Variants in DCDC1 observed in about 807,000 individuals in gnomAD.
DCDC1 encodes doublecortin domain containing 1, also known as doublecortin domain-containing protein 1.
A neutral mutation model predicts 178.3 loss-of-function variants in DCDC1; 200 were observed. The ratio of observed to expected loss-of-function variants is 1.12; its 90% CI spans 1.00 to 1.26. The LOEUF (loss-of-function observed/expected upper bound fraction) is 1.26. DCDC1 is among the 50% of genes most tolerant of loss of function. The pLI is 0.00. For missense variants in DCDC1, 1,983 were observed against 1,749.2 expected (o/e 1.13, Z -2.38); for synonymous variants, 690 against 604.8 (o/e 1.14, Z -2.07).
At chr11:31,211,093 G>A (rs558273711) in intron 9 of DCDC1, among the ~76,000 whole-genome samples, 1 of 152,108 alleles carries the variant, frequency 6.6e-6, no homozygotes, top group Non-Finnish European at 1.5e-5. Context: ...TGAGACAAAG[G>A]GACTGCTCTC....
At chr11:31,265,630 T>A in intron 7 of DCDC1, 30 bp from the exon 8 acceptor site, 2 of 1,146,064 alleles carry the variant, frequency 1.7e-6, no homozygotes, top group Non-Finnish European at 2.3e-6. Flanking sequence ...TATAAATAAT[T>A]TAGTAAACTG....
chr11:31,347,654 GCT>G (rs1242350394), intron 1 of DCDC1, among the ~76,000 whole-genome samples: 1 of 152,164 alleles, frequency 6.6e-6, no homozygotes, highest in East Asian at 1.9e-4. Flanking sequence ...CTAGTCACAT[GCT>G]CTGTTTTCTC....
chr11:30,869,536 G>A (rs962049758), intron 38 of DCDC1, among the ~76,000 whole-genome samples: 3 of 152,168 alleles, frequency 2.0e-5, no homozygotes, highest in African/African-American at 7.2e-5. Flanking sequence ...TACTTTCATG[G>A]AGTTTGCAGA....
At chr11:30,975,706 T>C (rs2134734076) in intron 20 of DCDC1, among the ~76,000 whole-genome samples, 1 of 151,434 alleles carries the variant, frequency 6.6e-6, no homozygotes, top group East Asian at 1.9e-4. Flanking sequence ...TGAAAGAAAA[T>C]GAAGGGGACA....
intron 9 of DCDC1, among the ~76,000 whole-genome samples, chr11:31,158,578 C>T (rs1270105121): frequency 6.6e-6 from 1 of 152,174 alleles, no homozygotes. Context: ...TGCTTCTATA[C>T]ATTTGACTGA....
chr11:31,175,629 A>G (rs976268952), intron 9 of DCDC1, among the ~76,000 whole-genome samples: 1 of 152,200 alleles, frequency 6.6e-6, no homozygotes, highest in Non-Finnish European at 1.5e-5. Flanking sequence ...GGCCATCTCA[A>G]CAGGAACCAT....
chr11:31,019,724 A>C (rs1013245056), intron 20 of DCDC1, among the ~76,000 whole-genome samples: 1 of 152,132 alleles, frequency 6.6e-6, no homozygotes, highest in Non-Finnish European at 1.5e-5. Flanking sequence ...TGCCAAGTCC[A>C]CAATATCCAG....
chr11:31,105,101 C>T (rs940074232), intron 13 of DCDC1, among the ~76,000 whole-genome samples: 2 of 151,954 alleles, frequency 1.3e-5, no homozygotes, highest in Admixed American at 6.6e-5. Flanking sequence ...TCAAACTAGA[C>T]GGCAATAACT....
chr11:31,065,317 A>C (rs967465000), intron 18 of DCDC1, among the ~76,000 whole-genome samples, 164 bp from the exon 19 acceptor site: 1 of 152,220 alleles, frequency 6.6e-6, no homozygotes, highest in Non-Finnish European at 1.5e-5. Context: ...AAGCCAAATG[A>C]CTTTAATATT....
chr11:31,210,611 T>C (rs569382454), intron 9 of DCDC1, among the ~76,000 whole-genome samples: 4 of 149,744 alleles, frequency 2.7e-5, no homozygotes, highest in Non-Finnish European at 4.4e-5. Flanking sequence ...CTCAGGAGGC[T>C]GAGGCAGGAG....
chr11:31,097,500 T>C (rs1591033909), intron 15 of DCDC1, among the ~76,000 whole-genome samples: 1 of 152,230 alleles, frequency 6.6e-6, no homozygotes, highest in African/African-American at 2.4e-5. Flanking sequence ...GAAAATGTTA[T>C]ACAATCTCTT....
chr11:30,893,883 A>C (rs1943992520), intron 35 of DCDC1, among the ~76,000 whole-genome samples: 1 of 152,066 alleles, frequency 6.6e-6, no homozygotes, highest in African/African-American at 2.4e-5. Flanking sequence ...TTAGTATTTT[A>C]CTCCTTGCTC....
At chr11:31,231,424 C>T (rs1283089208) in intron 9 of DCDC1, among the ~76,000 whole-genome samples, 2 of 152,028 alleles carry the variant, frequency 1.3e-5, no homozygotes, top group Admixed American at 1.3e-4. Context: ...GGTGATATGC[C>T]AGAATAGACT....
chr11:31,151,771 A>T (rs1378477228), intron 9 of DCDC1, among the ~76,000 whole-genome samples: 1 of 152,216 alleles, frequency 6.6e-6, no homozygotes, highest in Non-Finnish European at 1.5e-5. Context: ...ATAGCAATGC[A>T]TTCAAATGTT....
intron 21 of DCDC1, among the ~76,000 whole-genome samples, chr11:30,933,460 A>G (rs1221018476): frequency 6.6e-6 from 1 of 152,130 alleles, no homozygotes; most frequent in Non-Finnish European, 1.5e-5. Flanking sequence ...TGTTAATTAC[A>G]TTAATTTTTA....
intron 9 of DCDC1, among the ~76,000 whole-genome samples, chr11:31,194,295 G>T (rs1217971814): frequency 1.3e-5 from 2 of 151,976 alleles, no homozygotes; most frequent in Non-Finnish European, 2.9e-5. Flanking sequence ...CCTCAAATTT[G>T]CCTGTAAGTT....
At chr11:31,263,073 C>T in intron 8 of DCDC1, 1 of 1,612,620 alleles carries the variant, frequency 6.2e-7, no homozygotes, top group Non-Finnish European at 8.5e-7. Context: ...TCAGTGCTTT[C>T]CTGTTTTGAT....
In DCDC1 at chr11:31,163,371, C is replaced by G. The variant is rs12293114; in HGVS notation, c.1222-25587G>C. Among the ~76,000 whole-genome samples, 848 of 152,234 alleles carry G rather than the reference C, an allele frequency of 5.6e-3. 10 individuals carry two copies. The highest frequency in any genetic ancestry group is 0.019 in the African/African-American group (805 of 41,554). On this transcript the variant is annotated intron_variant, in intron 9 of 38. Coordinates refer to ENST00000684477, the MANE Select transcript of DCDC1 (RefSeq NM_001387274.1). ...AACACAATAAATGGAAATTAGCAGT[C>G]ATGAATGACCATTGATGTCTTATAT...
chr11:31,007,774 G>C (rs138525355), intron 20 of DCDC1, among the ~76,000 whole-genome samples: 1 of 151,364 alleles, frequency 6.6e-6, no homozygotes, highest in African/African-American at 2.4e-5. Flanking sequence ...AGTGATTCTC[G>C]TGCCTCACCC....
Sources: gnomAD v4.1 joint callset for allele counts (sites outside exome capture counted in the v4.1 genomes callset) on GRCh38, gnomAD v4.1.1 for gene constraint, MANE v1.5 for transcripts, NCBI Gene and HGNC (gene_info 2026-07-23, HGNC 2026-07-21) for gene names.